The following CRPPA variants were observed in gnomAD, a reference collection of about 807,000 sequenced individuals.
CRPPA encodes D-ribitol-5-phosphate cytidylyltransferase.
CRPPA carries 43 observed loss-of-function variants against 52.0 expected under a neutral mutation model. The observed-to-expected ratio is 0.83, with a 90% CI of 0.65 to 1.07. CRPPA has a LOEUF of 1.07. Ranked by LOEUF, CRPPA falls within the 50% of genes least tolerant of loss-of-function variation. The pLI is 0.00. For synonymous variants in CRPPA, 250 were observed against 203.5 expected (o/e 1.23, Z -1.94); for missense variants, 629 against 551.7 (o/e 1.14, Z -1.40).
chr7:16,248,213 C>T (rs966549763), intron 8 of CRPPA: 9 of 152,158 alleles, frequency 5.9e-5, no homozygotes, highest in Non-Finnish European at 1.2e-4. Context: ...GCGGCATACA[C>T]CTGTAGCCTC....
intron 3 of CRPPA, among the ~76,000 whole-genome samples, chr7:16,330,289 C>T (rs970936478): frequency 3.9e-5 from 6 of 152,170 alleles, no homozygotes; most frequent in Admixed American, 1.3e-4. Flanking sequence ...TTCCATTCTC[C>T]AGAAGAATAT....
chr7:16,160,030 T>G (rs1035595043), intron 9 of CRPPA, among the ~76,000 whole-genome samples: 1 of 152,154 alleles, frequency 6.6e-6, no homozygotes, highest in African/African-American at 2.4e-5. Flanking sequence ...TTTTTTTTTC[T>G]TGTAAATTTA....
chr7:16,374,799 G>A (rs1328833907), intron 3 of CRPPA, among the ~76,000 whole-genome samples: 1 of 151,926 alleles, frequency 6.6e-6, no homozygotes, highest in Non-Finnish European at 1.5e-5. Flanking sequence ...ATAACAGTGT[G>A]CTGTTTTATC....
rs1250813655 is a variant in CRPPA at position 16,091,582 on chromosome 7, G to C, written c.*113C>G. On this transcript the variant is annotated 3_prime_UTR_variant, in exon 10 of 10. Coordinates refer to ENST00000407010, the MANE Select transcript of CRPPA (RefSeq NM_001101426.4). ...TAAGCATCACATCCTACAAATTATAGAGAAGATATAAAAGACAACTGAAAC... is the reference window on the plus strand; with the variant it reads ...TAAGCATCACATCCTACAAATTATACAGAAGATATAAAAGACAACTGAAAC... 5 of 624,830 alleles carry C rather than the reference G, an allele frequency of 8.0e-6. No homozygotes were observed. In the East Asian group the frequency reaches 9.3e-5, roughly 12 times the overall value. 38.7% of individuals were successfully genotyped at this position (624,830 alleles called of 1,614,324 possible).
rs1787926079 is a variant in CRPPA, at chr7:16,405,356, A to C, written c.534+705T>G. On this transcript the variant is annotated intron_variant, in intron 2 of 9. Coordinates refer to ENST00000407010, the MANE Select transcript of CRPPA (RefSeq NM_001101426.4). ...GGAAAATGGACTCAGAAAGTTAAAA[A>C]CACGACATCACTAGTAAATAAAAAG... 2.0e-5 allele frequency among the ~76,000 whole-genome samples: 3 copies of C among 152,184 alleles called. No homozygotes were observed. In the South Asian group the frequency reaches 6.2e-4, roughly 32 times the overall value.
At chr7:16,171,261 T>C (rs1781179825) in intron 9 of CRPPA, among the ~76,000 whole-genome samples, 1 of 152,258 alleles carries the variant, frequency 6.6e-6, no homozygotes, top group African/African-American at 2.4e-5. Context: ...CAACATTGAC[T>C]GCTCATCCCT....
Position 16,123,473 on chromosome 7 carries a change from T to A in CRPPA, c.1252-31674A>T, listed in dbSNP as rs117230629. Among the ~76,000 whole-genome samples the A allele has an allele frequency of 6.7e-3, 1,013 of 152,278 alleles. 5 individuals are homozygous for A. Among genetic ancestry groups the A allele is most frequent in the South Asian group, 0.021 (99 of 4,826 alleles). Reference sequence around the variant, plus strand: ...ATCCAAAAACTCCAGTAACTTAAGTTCTGTCCAGCAACATTCATTTTCACA... The same window carrying A: ...ATCCAAAAACTCCAGTAACTTAAGTACTGTCCAGCAACATTCATTTTCACA... On this transcript the variant is annotated intron_variant, in intron 9 of 9. Transcript: ENST00000407010.
intron 8 of CRPPA, among the ~76,000 whole-genome samples, chr7:16,228,283 C>T (rs1782702973): frequency 1.3e-5 from 2 of 151,788 alleles, no homozygotes; most frequent in South Asian, 4.1e-4. Flanking sequence ...TTTCGTAGAT[C>T]TATTCTACCA....
At chr7:16,341,054 G>A (rs1462840603) in intron 3 of CRPPA, among the ~76,000 whole-genome samples, 5 of 152,060 alleles carry the variant, frequency 3.3e-5, no homozygotes, top group East Asian at 3.8e-4. Flanking sequence ...GGCAAGCTAC[G>A]GAGACAGTAA....
At chr7:16,395,795 A>C (rs1451034321) in intron 2 of CRPPA, among the ~76,000 whole-genome samples, 1 of 152,234 alleles carries the variant, frequency 6.6e-6, no homozygotes, top group African/African-American at 2.4e-5. Context: ...TTCATGTTAA[A>C]CCATAGATAC....
intron 2 of CRPPA, among the ~76,000 whole-genome samples, chr7:16,392,006 C>A (rs773371728): frequency 6.6e-6 from 1 of 152,132 alleles, no homozygotes; most frequent in Non-Finnish European, 1.5e-5. Flanking sequence ...TCGATAGAAG[C>A]ACCCTGTATT....
intron 5 of CRPPA, among the ~76,000 whole-genome samples, chr7:16,291,088 AC>A (rs896328271): frequency 2.6e-4 from 39 of 151,968 alleles, no homozygotes; most frequent in Non-Finnish European, 4.0e-4. Flanking sequence ...TTATCAACTC[AC>A]CCCAGTTACA....
chr7:16,363,369 G>A (rs900941994), intron 3 of CRPPA, among the ~76,000 whole-genome samples: 2 of 152,066 alleles, frequency 1.3e-5, no homozygotes, highest in African/African-American at 2.4e-5. Flanking sequence ...TAAAATATCA[G>A]GTAGCTAAAT....
chr7:16,314,466 C>A (rs1381850019), intron 3 of CRPPA, among the ~76,000 whole-genome samples: 1 of 152,020 alleles, frequency 6.6e-6, no homozygotes, highest in Non-Finnish European at 1.5e-5. Context: ...AACAAAGTTA[C>A]CTGTTAGATT....
At chr7:16,412,488 T>G (rs978961189) in intron 1 of CRPPA, among the ~76,000 whole-genome samples, 3 of 152,194 alleles carry the variant, frequency 2.0e-5, no homozygotes, top group Admixed American at 6.5e-5. Context: ...TCAGAGACAA[T>G]AGGCTTATAA....
chr7:16,364,206 G>A (rs911380054), intron 3 of CRPPA, among the ~76,000 whole-genome samples: 1 of 152,196 alleles, frequency 6.6e-6, no homozygotes, highest in Non-Finnish European at 1.5e-5. Flanking sequence ...GAGCATCTGA[G>A]CCTCAGGTAC....
At chr7:16,295,009 C>T (rs1457295270) in intron 5 of CRPPA, among the ~76,000 whole-genome samples, 1 of 152,014 alleles carries the variant, frequency 6.6e-6, no homozygotes, top group African/African-American at 2.4e-5. Context: ...ATGCATAAAA[C>T]ACACTCCAAC....
At chr7:16,114,093 C>T (rs971853822) in intron 9 of CRPPA, among the ~76,000 whole-genome samples, 1 of 151,740 alleles carries the variant, frequency 6.6e-6, no homozygotes, top group South Asian at 2.1e-4. Context: ...AAGTAAAATA[C>T]TGACTTCAGA....
intron 9 of CRPPA, among the ~76,000 whole-genome samples, chr7:16,112,256 A>G (rs1437328075): frequency 2.0e-5 from 3 of 152,148 alleles, no homozygotes; most frequent in African/African-American, 7.2e-5. Flanking sequence ...CAGAGGTTGC[A>G]GTAAGCCGAG....
Sources: gnomAD v4.1 joint callset for allele counts (sites outside exome capture counted in the v4.1 genomes callset) on GRCh38, gnomAD v4.1.1 for gene constraint, MANE v1.5 for transcripts, NCBI Gene and HGNC (gene_info 2026-07-23, HGNC 2026-07-21) for gene names.